PHF21A: variants seen among roughly 807,000 people sequenced by gnomAD.
PHF21A encodes the protein PHD finger protein 21A, also known as BHC80a.
Under a neutral mutation model 82.5 loss-of-function variants are expected in PHF21A, and 11 were observed. The ratio of observed to expected loss-of-function variants is 0.13; its 90% CI spans 0.08 to 0.22. The LOEUF is 0.22. PHF21A is among the 10% of genes least tolerant of loss of function. The pLI is 1.00. For missense variants in PHF21A, 579 were observed against 837.8 expected (o/e 0.69, Z 3.81); for synonymous variants, 297 against 302.8 (o/e 0.98, Z 0.20).
intron 5 of PHF21A, 79 bp from the exon 6 acceptor site, chr11:46,076,898 G>A: frequency 1.8e-6 from 2 of 1,126,250 alleles, no homozygotes; most frequent in Non-Finnish European, 2.7e-6. Context: ...TATGCATACT[G>A]CATTACAAAT....
chr11:46,091,650 C>G (rs776615441), intron 2 of PHF21A, among the ~76,000 whole-genome samples: 19 of 152,206 alleles, frequency 1.2e-4, no homozygotes, highest in Non-Finnish European at 2.8e-4. Context: ...ACCTAAGCCA[C>G]TCTGCACATA....
At chr11:45,935,451 A>G (rs1199694125) in intron 18 of PHF21A, 185 bp downstream of exon 18, 1 of 641,806 alleles carries the variant, frequency 1.6e-6, no homozygotes. Flanking sequence ...CCACCTACCA[A>G]CTGGCCGCCT....
rs2087513451 is a variant in PHF21A at position 45,929,948 on chromosome 11, A to C, written c.*4020T>G. 6.6e-6 allele frequency: 1 copy of C among 152,242 alleles called. No individual in the cohort carries two copies. The allele number at this position is 152,242 out of a possible 1,614,324, so 9.4% of individuals were successfully genotyped here. On this transcript the variant is annotated 3_prime_UTR_variant, in exon 19 of 19. Coordinates refer to ENST00000676320, the MANE Select transcript of PHF21A (RefSeq NM_001352027.3). ...GCAGAGGGACAGGGGCGAGGTTCAC[A>C]CAGAGCAAAGTTGCCTCCACTCAAC...
chr11:46,100,583 A>G (rs2097081774), intron 1 of PHF21A, among the ~76,000 whole-genome samples: 1 of 152,230 alleles, frequency 6.6e-6, no homozygotes, highest in African/African-American at 2.4e-5. Context: ...TTAAGTAAGT[A>G]TACTCCTTGC....
chr11:46,072,824 C>T (rs773812465), intron 6 of PHF21A, among the ~76,000 whole-genome samples: 3 of 152,262 alleles, frequency 2.0e-5, no homozygotes, highest in South Asian at 4.1e-4. Flanking sequence ...GCTGCAACCA[C>T]GATGGCTTAA....
intron 15 of PHF21A, 34 bp from the exon 16 acceptor site, chr11:45,938,346 C>T (rs1565153972): frequency 6.4e-7 from 1 of 1,570,066 alleles, no homozygotes. Context: ...AGAAAAAGGA[C>T]AAAAAAGGTA....
rs1591056535 is a variant in PHF21A at position 45,946,247 on chromosome 11, A to G, written c.1289-244T>C. On this transcript the variant is annotated intron_variant, in intron 14 of 18. Coordinates refer to ENST00000676320, the MANE Select transcript of PHF21A (RefSeq NM_001352027.3). ...ATAAGAGAGCTCTGGAGAATGACAGAAGGTGCTGGCTTATGTAGAAAGACC... is the reference window on the plus strand; with the variant it reads ...ATAAGAGAGCTCTGGAGAATGACAGGAGGTGCTGGCTTATGTAGAAAGACC... 10 of 849,496 alleles carry G rather than the reference A, an allele frequency of 1.2e-5. 1 individual carries two copies. In the Middle Eastern group the frequency reaches 2.0e-3, roughly 168 times the overall value. The allele number at this position is 849,496 out of a possible 1,614,324, so 52.6% of individuals were successfully genotyped here. A position where few individuals can be genotyped will look rare whatever the true frequency, so the allele number is the denominator to read the frequency against.
intron 3 of PHF21A, among the ~76,000 whole-genome samples, chr11:46,086,370 T>C (rs1357489565): frequency 6.6e-6 from 1 of 152,156 alleles, no homozygotes; most frequent in Non-Finnish European, 1.5e-5. Context: ...CCGCCCGTCC[T>C]GGCCTCCCAA....
intron 4 of PHF21A, among the ~76,000 whole-genome samples, chr11:46,081,489 G>A (rs1161801459): frequency 6.6e-6 from 1 of 152,118 alleles, no homozygotes; most frequent in Non-Finnish European, 1.5e-5. Context: ...TCCAGACACT[G>A]GAATTTAAAA....
At chr11:45,953,391 T>C in intron 11 of PHF21A, 136 bp downstream of exon 11, 1 of 661,478 alleles carries the variant, frequency 1.5e-6, no homozygotes, top group Non-Finnish European at 2.8e-6. Context: ...GGCAATAACA[T>C]TGCTGAATAA....
At chr11:45,968,634 A>C (rs891425109) in intron 9 of PHF21A, among the ~76,000 whole-genome samples, 3 of 152,154 alleles carry the variant, frequency 2.0e-5, no homozygotes, top group African/African-American at 7.2e-5. Flanking sequence ...ATACTCTTAA[A>C]AATAGGCAGG....
intron 6 of PHF21A, among the ~76,000 whole-genome samples, chr11:46,075,931 G>A (rs2096719149): frequency 6.6e-6 from 1 of 152,040 alleles, no homozygotes; most frequent in African/African-American, 2.4e-5. Flanking sequence ...AATGTCACTG[G>A]CATGAAATAT....
chr11:46,110,909 C>A (rs1230944378), intron 1 of PHF21A, among the ~76,000 whole-genome samples: 3 of 151,690 alleles, frequency 2.0e-5, no homozygotes, highest in Non-Finnish European at 4.4e-5. Flanking sequence ...CCTCAGCCTC[C>A]CGAGTAGCTG....
chr11:46,060,396 A>T (rs1181869538), intron 6 of PHF21A, among the ~76,000 whole-genome samples: 1 of 152,208 alleles, frequency 6.6e-6, no homozygotes, highest in Non-Finnish European at 1.5e-5. Flanking sequence ...TACAGCTCTA[A>T]GAAAGAAAAA....
chr11:45,988,847 T>G (rs973648100), intron 6 of PHF21A, among the ~76,000 whole-genome samples: 1 of 152,168 alleles, frequency 6.6e-6, no homozygotes, highest in Non-Finnish European at 1.5e-5. Context: ...GCCATGATCC[T>G]GCCATTGTAC....
At position 45,971,304 on chromosome 11, in the gene PHF21A, T is replaced by C. The variant is rs1203819248; in HGVS notation, c.424A>G (p.Thr142Ala). 6.8e-6 allele frequency: 11 copies of C among 1,614,166 alleles called. No individual in the cohort carries two copies. The highest frequency in any genetic ancestry group is 1.7e-5 in the Admixed American group (1 of 60,022). The change falls in exon 8 of 19, where the codon ACT becomes GCT. Residue 142 changes from threonine (T) to alanine (A), a missense_variant. By Grantham distance (58) the Thr-to-Ala change is moderately conservative. Transcript: ENST00000676320. The stretch of plus-strand genomic sequence containing the variant: ...ACCACAGAGGCAGGCATGGTCGCAG[T>C]TGCTGCTTTCAAGACGAGAGGTAGT... Reference protein sequence around the residue: ...KTLPLVLKAATATMPASVVGQ... With the variant: ...KTLPLVLKAAAATMPASVVGQ...
chr11:45,979,664 G>A, intron 7 of PHF21A, 96 bp downstream of exon 7: 1 of 1,557,664 alleles, frequency 6.4e-7, no homozygotes, highest in South Asian at 1.1e-5. Flanking sequence ...AGTTCTAGCT[G>A]AGCTTAGTAT....
At chr11:45,983,323 A>T (rs2094375417) in intron 6 of PHF21A, among the ~76,000 whole-genome samples, 1 of 152,116 alleles carries the variant, frequency 6.6e-6, no homozygotes. Context: ...AAGGAAAAAG[A>T]AAGAGAGCTC....
At chr11:46,037,745 T>C (rs917856241) in intron 6 of PHF21A, among the ~76,000 whole-genome samples, 1 of 152,064 alleles carries the variant, frequency 6.6e-6, no homozygotes, top group African/African-American at 2.4e-5. Context: ...TTGTGGGATT[T>C]TTCTCTTTAC....
Sources: allele counts gnomAD v4.1 joint callset (sites outside exome capture counted in the v4.1 genomes callset), GRCh38; gene constraint gnomAD v4.1.1; transcripts MANE v1.5; gene names NCBI Gene and HGNC (gene_info 2026-07-23, HGNC 2026-07-21).